COL27A1: variants seen among roughly 807,000 people sequenced by gnomAD.
COL27A1 encodes collagen alpha-1(XXVII) chain.
COL27A1 carries 106 observed loss-of-function variants against 251.3 expected under a neutral mutation model. That is an observed-to-expected ratio of 0.42 (90% CI 0.36 to 0.50). The LOEUF (loss-of-function observed/expected upper bound fraction) is 0.50. COL27A1 is among the 20% of genes least tolerant of loss of function. COL27A1 has a pLI of 0.00. For missense variants in COL27A1, 2,325 were observed against 2,522.8 expected, an observed-to-expected ratio of 0.92 and a Z score of 1.68; for synonymous variants, 1,000 against 986.3, an observed-to-expected ratio of 1.01 and a Z score of -0.26.
chr9:114,306,073 C>T lies in COL27A1; in HGVS notation c.4939-447C>T, dbSNP rs146892457. 25 of 159,546 alleles carry T rather than the reference C, an allele frequency of 1.6e-4. No homozygotes were observed. In the East Asian group the frequency reaches 4.7e-3, roughly 30 times the overall value. 9.9% of individuals were successfully genotyped at this position (159,546 alleles called of 1,614,324 possible). On this transcript the variant is annotated intron_variant, in intron 57 of 60. Transcript: ENST00000356083. ...CCTCCCAGCACTTGTGCCTGCTGGCCCCAGTCCCGTCTCCTGGTGCCTCAC... is the reference window on the plus strand; with the variant it reads ...CCTCCCAGCACTTGTGCCTGCTGGCTCCAGTCCCGTCTCCTGGTGCCTCAC...
chr9:114,177,736 T>C (rs1471861242), intron 3 of COL27A1, among the ~76,000 whole-genome samples: 3 of 152,208 alleles, frequency 2.0e-5, no homozygotes, highest in Non-Finnish European at 1.5e-5. Context: ...ACCCATGCCA[T>C]GCTCTGTGTG....
chr9:114,306,519 G>C lies in COL27A1; in HGVS notation c.4939-1G>C. 2 of 1,613,958 alleles carry C rather than the reference G, an allele frequency of 1.2e-6. No homozygotes were observed. The highest frequency in any genetic ancestry group is 1.7e-6 in the Non-Finnish European group (2 of 1,179,996). On this transcript the variant is annotated splice_acceptor_variant, in intron 57 of 60. Coordinates refer to ENST00000356083, the MANE Select transcript of COL27A1 (RefSeq NM_032888.4). LOFTEE classifies it high-confidence loss of function. ...CAATGACCACCCTCTCCTCGTGACA[G>C]AGTTACAGCTATCCAGACCGGCTGG...
rs893959158 is a variant in COL27A1, at chr9:114,168,759, C to T, written c.1204C>T (p.Pro402Ser). Reference protein sequence around the residue: ...APSSFTKSALPTQKQVPPTSR... With the variant: ...APSSFTKSALSTQKQVPPTSR... The stretch of plus-strand genomic sequence containing the variant: ...ATCTTCATTTACAAAGTCAGCCCTA[C>T]CCACTCAGAAGCAAGTGCCACCTAC... The change falls in exon 3 of 61, where the codon CCC becomes TCC. Residue 402 changes from proline to serine, a missense_variant. Around this residue, in one of 4 missense-constraint regions of COL27A1, gnomAD observed 1,183 missense variants for 1,144.1 expected, o/e 1.03. Coordinates refer to ENST00000356083, the MANE Select transcript of COL27A1 (RefSeq NM_032888.4). 3 of 1,614,044 alleles carry T rather than the reference C, an allele frequency of 1.9e-6. No individual in the cohort carries two copies. The highest frequency in any genetic ancestry group is 2.5e-6 in the Non-Finnish European group (3 of 1,180,050).
chr9:114,217,098 G>C (rs1830760062), intron 12 of COL27A1, among the ~76,000 whole-genome samples: 1 of 152,170 alleles, frequency 6.6e-6, no homozygotes, highest in Non-Finnish European at 1.5e-5. Flanking sequence ...CTGTTGGGTG[G>C]TCACGCTGTT....
rs771500139 is a variant in COL27A1, at chr9:114,206,266, G to T, written c.2238G>T (p.Pro746=). The T allele has an allele frequency of 1.9e-6, 3 of 1,614,132 alleles. No individual in the cohort carries two copies. The highest frequency in any genetic ancestry group is 1.3e-5 in the African/African-American group (1 of 75,052). The change falls in exon 10 of 61, where the codon CCG becomes CCT. Residue 746 remains proline (P), a synonymous_variant. Transcript: ENST00000356083. ...GYPGRQGLPG[P]VGDPGPKGSR... The stretch of plus-strand genomic sequence containing the variant: ...TTGTGTTTCAGGGGTTACCTGGACC[G>T]GTAGGAGATCCCGGCCCCAAAGGCA...
At chr9:114,231,646 C>T (rs1831960309) in intron 15 of COL27A1, among the ~76,000 whole-genome samples, 176 bp from the exon 16 acceptor site, 1 of 152,236 alleles carries the variant, frequency 6.6e-6, no homozygotes, top group South Asian at 2.1e-4. Context: ...CTCACAGCTC[C>T]TTCAGTCCAC....
At chr9:114,178,452 C>A in intron 4 of COL27A1, 108 bp downstream of exon 4, 1 of 974,028 alleles carries the variant, frequency 1.0e-6, no homozygotes, top group Non-Finnish European at 1.7e-6. Context: ...CTTCCCTCCC[C>A]CTCTCTGGCA....
intron 28 of COL27A1, among the ~76,000 whole-genome samples, chr9:114,262,973 C>T (rs1482009636): frequency 7.2e-5 from 10 of 139,242 alleles, no homozygotes; most frequent in Non-Finnish European, 1.2e-4. Context: ...GAGTCTCGCT[C>T]TGTCGCCCAG....
intron 5 of COL27A1, 67 bp downstream of exon 5, chr9:114,183,142 C>T: frequency 1.4e-6 from 2 of 1,450,342 alleles, no homozygotes. Flanking sequence ...TGCAGTGCTT[C>T]CCAGGGGTGC....
chr9:114,199,262 G>A (rs911907335), intron 7 of COL27A1, among the ~76,000 whole-genome samples: 1 of 152,126 alleles, frequency 6.6e-6, no homozygotes, highest in Admixed American at 6.5e-5. Context: ...TGGGAGGGAG[G>A]TGCTACTGGC....
At chr9:114,154,109 C>T (rs955246725), upstream of COL27A1, among the ~76,000 whole-genome samples, 1 of 152,098 alleles carries the variant, frequency 6.6e-6, no homozygotes, top group Non-Finnish European at 1.5e-5. The surrounding 1 kb of genome is among the most constrained non-coding windows in gnomAD (Gnocchi z 5.8). Flanking sequence ...CACCTATGAG[C>T]CGCCCCCAGC....
intron 49 of COL27A1, among the ~76,000 whole-genome samples, chr9:114,294,203 G>A (rs866097535): frequency 6.9e-5 from 10 of 145,848 alleles, no homozygotes; most frequent in Admixed American, 2.1e-4. Flanking sequence ...AGCCAAGATC[G>A]TGCCATTGCA....
rs537232052 is a variant in COL27A1, at chr9:114,289,917, C to T, written c.4207-141C>T. ...CAAGGCCAGCTCTGGCCCCAGGCTT[C>T]CAGGCCAGAGTGCTTGGGTACATCT... On this transcript the variant is annotated intron_variant, in intron 45 of 60. Transcript: ENST00000356083. 257 of 974,330 alleles carry T rather than the reference C, an allele frequency of 2.6e-4. No individual in the cohort carries two copies. The African/African-American group carries it at 3.8e-3, about 14-fold the overall frequency. The allele number at this position is 974,330 out of a possible 1,614,324, so 60.4% of individuals were successfully genotyped here.
Position 114,211,022 on chromosome 9 carries a change from T to G in COL27A1, c.2363T>G (p.Met788Arg), listed in dbSNP as rs768682666. The G allele has an allele frequency of 6.2e-7, 1 of 1,614,104 alleles. No individual in the cohort carries two copies. The highest frequency in any genetic ancestry group is 8.5e-7 in the Non-Finnish European group (1 of 1,180,022). ...CCTGGCAAGAGGGGCAAGATGGGTATGCCGGTAAAGATTTTCCGTGTCTAT... is the reference window on the plus strand; with the variant it reads ...CCTGGCAAGAGGGGCAAGATGGGTAGGCCGGTAAAGATTTTCCGTGTCTAT... ...GVPGKRGKMG[M>R]PGFPGVFGER... is the part of the protein sequence containing the mutation. The change falls in exon 12 of 61, where the codon ATG (methionine) becomes AGG (arginine). Residue 788 changes from methionine (M) to arginine (R), a missense_variant. By Grantham distance (91) the Met-to-Arg change is moderately conservative. This residue lies in a region of COL27A1 where 1,183 missense variants were observed against 1,144.1 expected (regional missense o/e 1.03). Transcript: ENST00000356083.
chr9:114,264,842 T>G, intron 29 of COL27A1, 82 bp from the exon 30 acceptor site: 1 of 1,436,844 alleles, frequency 7.0e-7, no homozygotes, highest in Non-Finnish European at 9.5e-7. Context: ...GTTCCTTTTA[T>G]CTCCCATGTG....
intron 7 of COL27A1, among the ~76,000 whole-genome samples, chr9:114,197,515 G>A (rs1829231429): frequency 6.6e-6 from 1 of 152,304 alleles, no homozygotes; most frequent in South Asian, 2.1e-4. Flanking sequence ...GAGTGGAAAA[G>A]GCTCCTTCCG....
chr9:114,310,412 G>T (rs1829366362), intron 60 of COL27A1, 137 bp from the exon 61 acceptor site: 10 of 844,778 alleles, frequency 1.2e-5, no homozygotes, highest in Middle Eastern at 3.0e-4. Flanking sequence ...CAATCTAAAT[G>T]TGCCATATAG....
At chr9:114,198,826 C>G (rs1448994969) in intron 7 of COL27A1, among the ~76,000 whole-genome samples, 5 of 152,196 alleles carry the variant, frequency 3.3e-5, no homozygotes, top group Non-Finnish European at 7.3e-5. Flanking sequence ...AATCCCCGCT[C>G]TGTCCCTCTC....
chr9:114,284,868 C>T lies in COL27A1; in HGVS notation c.3987+91C>T. 8 of 1,436,734 alleles carry T rather than the reference C, an allele frequency of 5.6e-6. No homozygotes were observed. In the South Asian group the frequency reaches 8.0e-5, roughly 14 times the overall value. 89.0% of individuals were successfully genotyped at this position (1,436,734 alleles called of 1,614,324 possible). A position where few individuals can be genotyped will look rare whatever the true frequency, so the allele number is the denominator to read the frequency against. ...CAGCAGGAGAAAGCCCCTGGGGTAC[C>T]CATGGCTGGAGAAGCCTGTGGGGGC... On this transcript the variant is annotated intron_variant, in intron 41 of 60. Coordinates refer to ENST00000356083, the MANE Select transcript of COL27A1 (RefSeq NM_032888.4).
Sources: allele counts gnomAD v4.1 joint callset (sites outside exome capture counted in the v4.1 genomes callset), GRCh38; gene constraint gnomAD v4.1.1; regional missense constraint gnomAD v4.1.1; non-coding constraint Gnocchi (gnomAD v3.1); transcripts MANE v1.5; gene names NCBI Gene and HGNC (gene_info 2026-07-23, HGNC 2026-07-21).